PTPN11: variants seen among roughly 807,000 people sequenced by gnomAD.
PTPN11 encodes protein tyrosine phosphatase non-receptor type 11.
PTPN11 carries 6 observed loss-of-function variants against 78.8 expected under a neutral mutation model. That is an observed-to-expected ratio of 0.08 (90% CI 0.04 to 0.15). The LOEUF (loss-of-function observed/expected upper bound fraction) is 0.15, where lower values mean the gene tolerates loss of function less well. Among genes scored for constraint, PTPN11 ranks in the 10% least tolerant of loss-of-function variants. The probability of loss-of-function intolerance (pLI) is 1.00; values close to 1 mark genes in which losing one functional copy is unlikely to be tolerated. For synonymous variants in PTPN11, 221 were observed against 263.5 expected, an observed-to-expected ratio of 0.84 and a Z score of 1.56; for missense variants, 386 against 744.8, an observed-to-expected ratio of 0.52 and a Z score of 5.61.
At chr12:112,470,518 C>T (rs1488284315) in intron 6 of PTPN11, among the ~76,000 whole-genome samples, 4 of 152,160 alleles carry the variant, frequency 2.6e-5, no homozygotes, top group Non-Finnish European at 5.9e-5. Context: ...ACTAGAAGGC[C>T]TTGTGCGTCA....
At position 112,502,193 on chromosome 12, in the gene PTPN11, C is replaced by A; in HGVS notation, c.1649C>A (p.Ala550Glu). The A allele has an allele frequency of 6.2e-7, 1 of 1,613,862 alleles. No homozygotes were observed. Among genetic ancestry groups the A allele is most frequent in the Non-Finnish European group, 8.5e-7 (1 of 1,179,820 alleles). ...TATACAAATATTAAGTATTCTCTAG[C>A]GGACCAGACGAGTGGAGATCAGAGC... ...HEYTNIKYSL[A>E]DQTSGDQSPL... The change falls in exon 14 of 16, where the codon GCG (alanine) becomes GAG (glutamate). Residue 550 changes from alanine to glutamate, a missense_variant. Transcript: ENST00000351677.
chr12:112,454,738 G>C (rs1021808328), intron 5 of PTPN11, 58 bp downstream of exon 5: 7 of 1,323,586 alleles, frequency 5.3e-6, no homozygotes, highest in Middle Eastern at 1.8e-4. Flanking sequence ...AATCCTAATA[G>C]AGAATTTTGC....
Position 112,455,943 on chromosome 12 carries a change from C to CG in PTPN11, c.643-6dup, listed in dbSNP as rs758889732. ...TTTATTTTACATCAACTGCTGTACT[C>CG]GATCAGCCCCTTAACACGACTCGTA... On this transcript the variant is annotated splice_region_variant and splice_polypyrimidine_tract_variant and intron_variant, in intron 5 of 15. Transcript: ENST00000351677. 3.8e-5 allele frequency: 58 copies of CG among 1,527,480 alleles called. No homozygotes were observed. In the African/African-American group the frequency reaches 8.0e-4, roughly 21 times the overall value. 94.6% of individuals were successfully genotyped at this position (1,527,480 alleles called of 1,614,324 possible). A position where few individuals can be genotyped will look rare whatever the true frequency, so the allele number is the denominator to read the frequency against.
At chr12:112,441,999 G>T (rs998474421) in intron 1 of PTPN11, among the ~76,000 whole-genome samples, 6 of 151,274 alleles carry the variant, frequency 4.0e-5, no homozygotes, top group African/African-American at 1.5e-4. Context: ...GGATGGTCTC[G>T]ATCTCCTGAC....
In PTPN11 at chr12:112,507,620, T is replaced by C. The variant is rs1339146465; in HGVS notation, c.*1828T>C. 1 of 152,804 alleles carries C rather than the reference T, an allele frequency of 6.5e-6. No individual in the cohort carries two copies. The highest frequency in any genetic ancestry group is 1.5e-5 in the Non-Finnish European group (1 of 68,050). The allele number at this position is 152,804 out of a possible 1,614,324, so 9.5% of individuals were successfully genotyped here. On this transcript the variant is annotated 3_prime_UTR_variant, in exon 16 of 16. Transcript: ENST00000351677. ...TGCGGATATTTCAATGAAAATATCATTGGTTGACTTTTGTGATGGTAATAA... is the reference window on the plus strand; with the variant it reads ...TGCGGATATTTCAATGAAAATATCACTGGTTGACTTTTGTGATGGTAATAA...
At chr12:112,455,454 T>C (rs997975761) in intron 5 of PTPN11, among the ~76,000 whole-genome samples, 1 of 151,912 alleles carries the variant, frequency 6.6e-6, no homozygotes, top group African/African-American at 2.4e-5. Flanking sequence ...AGGCTGGTCT[T>C]GAACTCCTGA....
intron 6 of PTPN11, chr12:112,457,225 T>C: frequency 2.5e-6 from 1 of 400,512 alleles, no homozygotes; most frequent in South Asian, 1.7e-5. Context: ...CCCCAGACAG[T>C]GTGTGTGATG....
At chr12:112,493,062 CT>C (rs201075832) in intron 13 of PTPN11, among the ~76,000 whole-genome samples, 247 of 143,026 alleles carry the variant, frequency 1.7e-3, no homozygotes, top group South Asian at 1.8e-3. Context: ...ATCTCAGTTA[CT>C]TTTTTTTTTT....
intron 1 of PTPN11, among the ~76,000 whole-genome samples, chr12:112,431,752 A>G (rs2037716253): frequency 6.6e-6 from 1 of 152,188 alleles, no homozygotes; most frequent in African/African-American, 2.4e-5. Flanking sequence ...GTGAAACTCC[A>G]AGGGCGTTCT....
At chr12:112,502,610 G>C (rs1411008693) in intron 14 of PTPN11, among the ~76,000 whole-genome samples, 1 of 152,160 alleles carries the variant, frequency 6.6e-6, no homozygotes, top group Non-Finnish European at 1.5e-5. Context: ...AGCCGGGCAT[G>C]GTGGCGCATG....
At chr12:112,438,591 C>T (rs2037832082) in intron 1 of PTPN11, among the ~76,000 whole-genome samples, 1 of 152,058 alleles carries the variant, frequency 6.6e-6, no homozygotes, top group Non-Finnish European at 1.5e-5. Flanking sequence ...AAGCGATTCT[C>T]TCACCTCAGC....
intron 5 of PTPN11, among the ~76,000 whole-genome samples, chr12:112,455,159 G>A (rs574533286): frequency 4.0e-5 from 6 of 150,788 alleles, no homozygotes; most frequent in Admixed American, 1.3e-4. Flanking sequence ...ACTGACTGCC[G>A]CTATAGTACT....
chr12:112,422,027 T>TGA lies in PTPN11; in HGVS notation c.14+2910_14+2911dup, dbSNP rs569232625. ...AGGAAAATATTGCTATTTTCATGGC[T>TGA]GAGAGAGAGCAGACAAACACATGAC... is the stretch of plus-strand genomic sequence containing the variant. On this transcript the variant is annotated intron_variant, in intron 1 of 15. Transcript: ENST00000351677. Among the ~76,000 whole-genome samples, 224 of 152,234 alleles carry TGA rather than the reference T, an allele frequency of 1.5e-3. 1 individual carries two copies. Among genetic ancestry groups the TGA allele is most frequent in the Non-Finnish European group, 2.6e-3 (180 of 68,012 alleles).
chr12:112,447,715 G>T (rs553048941), intron 2 of PTPN11, among the ~76,000 whole-genome samples: 2 of 151,488 alleles, frequency 1.3e-5, no homozygotes, highest in South Asian at 2.1e-4. Context: ...GACCAGGCTG[G>T]TCTCAAACTC....
chr12:112,490,953 A>C (rs1390151613), intron 13 of PTPN11, among the ~76,000 whole-genome samples: 1 of 152,228 alleles, frequency 6.6e-6, no homozygotes, highest in Admixed American at 6.5e-5. Context: ...AAATGAAGCA[A>C]AAGAACAAAA....
At chr12:112,489,237 C>T (rs1420809438) in intron 13 of PTPN11, 62 bp downstream of exon 13, 6 of 1,587,330 alleles carry the variant, frequency 3.8e-6, no homozygotes, top group South Asian at 1.1e-5. Flanking sequence ...TGGATACGCT[C>T]TCCTTTTGAG....
At chr12:112,461,338 CT>C (rs559792080) in intron 6 of PTPN11, among the ~76,000 whole-genome samples, 1,520 of 140,250 alleles carry the variant, frequency 0.011, 13 homozygotes, top group African/African-American at 0.028. Flanking sequence ...TTTTCTTTTT[CT>C]TTTTTTTTTT....
intron 1 of PTPN11, among the ~76,000 whole-genome samples, chr12:112,442,908 GTA>G (rs2037931063): frequency 9.1e-6 from 1 of 110,426 alleles, no homozygotes; most frequent in Admixed American, 9.7e-5. Flanking sequence ...ATATATGTAT[GTA>G]TATGTATGTA....
intron 14 of PTPN11, 63 bp downstream of exon 14, chr12:112,502,319 C>CA (rs2038885595): frequency 7.7e-7 from 1 of 1,295,138 alleles, no homozygotes; most frequent in African/African-American, 1.5e-5. Flanking sequence ...GTTTAAAAAA[C>CA]AAAAACAAAA....
Sources: allele counts gnomAD v4.1 joint callset (sites outside exome capture counted in the v4.1 genomes callset), GRCh38; gene constraint gnomAD v4.1.1; transcripts MANE v1.5; gene names NCBI Gene and HGNC (gene_info 2026-07-23, HGNC 2026-07-21).